PPP6R3: variants seen among roughly 807,000 people sequenced by gnomAD.
The protein encoded by PPP6R3 is protein phosphatase 6 regulatory subunit 3, also known as serine/threonine-protein phosphatase 6 regulatory subunit 3.
Under a neutral mutation model 110.7 loss-of-function variants are expected in PPP6R3, and 38 were observed. That is an observed-to-expected ratio of 0.34 (90% CI 0.26 to 0.45). The LOEUF (loss-of-function observed/expected upper bound fraction) is 0.45, where lower values mean the gene tolerates loss of function less well. PPP6R3 is among the 20% of genes least tolerant of loss of function. The pLI, the probability that PPP6R3 is intolerant of heterozygous loss-of-function variation, is 1.00. For synonymous variants in PPP6R3, 369 were observed against 373.5 expected, an observed-to-expected ratio of 0.99 and a Z score of 0.14; for missense variants, 870 against 1,062.4, an observed-to-expected ratio of 0.82 and a Z score of 2.52.
chr11:68,584,660 G>A (rs2099572599), intron 15 of PPP6R3, among the ~76,000 whole-genome samples: 1 of 152,126 alleles, frequency 6.6e-6, no homozygotes, highest in Non-Finnish European at 1.5e-5. Context: ...TACCTGTTCT[G>A]GGGAGAGTTT....
chr11:68,541,509 T>TAG (rs1555130095), intron 3 of PPP6R3, among the ~76,000 whole-genome samples: 1 of 151,724 alleles, frequency 6.6e-6, no homozygotes, highest in Non-Finnish European at 1.5e-5. Context: ...GTTAAGAGGA[T>TAG]GGAGTGGCTT....
intron 9 of PPP6R3, among the ~76,000 whole-genome samples, chr11:68,566,254 C>CTGCTGCTGT (rs972541274): frequency 1.3e-5 from 2 of 152,114 alleles, no homozygotes; most frequent in African/African-American, 4.8e-5. Flanking sequence ...GCTGCTGCTG[C>CTGCTGCTGT]TGCTGCTGTT....
intron 1 of PPP6R3, among the ~76,000 whole-genome samples, chr11:68,482,837 A>G (rs1158876539): frequency 6.6e-6 from 1 of 151,874 alleles, no homozygotes; most frequent in Non-Finnish European, 1.5e-5. Flanking sequence ...TATGCTGGGT[A>G]TGTGTGTTTT....
intron 2 of PPP6R3, among the ~76,000 whole-genome samples, chr11:68,527,792 C>G (rs2099208116): frequency 2.6e-5 from 4 of 152,224 alleles, no homozygotes; most frequent in Non-Finnish European, 5.9e-5. Context: ...CAACCTAATC[C>G]TACCACCTAC....
chr11:68,612,660 A>G (rs1944159363), intron 23 of PPP6R3, among the ~76,000 whole-genome samples: 1 of 151,370 alleles, frequency 6.6e-6, no homozygotes, highest in Non-Finnish European at 1.5e-5. Flanking sequence ...CCTGTTTCCA[A>G]GTGAAATAGT....
chr11:68,537,724 A>G lies in PPP6R3; in HGVS notation c.60A>G (p.Glu20=). 6.2e-7 allele frequency: 1 copy of G among 1,613,486 alleles called. No individual in the cohort carries two copies. Among genetic ancestry groups the G allele is most frequent in the Non-Finnish European group, 8.5e-7 (1 of 1,179,394 alleles). Residue 20 remains glutamate (E), a synonymous_variant, in exon 3 of 24, where the codon GAA becomes GAG. Coordinates refer to ENST00000393800, the MANE Select transcript of PPP6R3 (RefSeq NM_001164161.2). The part of the protein sequence containing the change: ...SSHIDTLLER[E]DVTLKELMDE... ...ACATAGACACACTTCTAGAAAGAGA[A>G]GATGTAACACTGAAGGAGTTAATGG...
chr11:68,504,531 TA>T (rs1041193138), intron 1 of PPP6R3, among the ~76,000 whole-genome samples: 1 of 152,092 alleles, frequency 6.6e-6, no homozygotes, highest in Non-Finnish European at 1.5e-5. Context: ...ACAATATCTT[TA>T]TGGATGAATG....
Position 68,560,253 on chromosome 11 carries a change from T to A in PPP6R3, c.845+1574T>A, listed in dbSNP as rs575631585. On this transcript the variant is annotated intron_variant, in intron 8 of 23. Transcript: ENST00000393800. The stretch of plus-strand genomic sequence containing the variant: ...TTGAGATGAGAAAAATAATACAGAA[T>A]ATCAGTGAAGCCAAAAGCTCGTTCT... Among the ~76,000 whole-genome samples, 42 of 152,228 alleles carry A rather than the reference T, an allele frequency of 2.8e-4. No homozygotes were observed. In the South Asian group the frequency reaches 8.3e-3, roughly 30 times the overall value.
At chr11:68,471,109 G>A (rs376003480) in intron 1 of PPP6R3, among the ~76,000 whole-genome samples, 30 of 151,570 alleles carry the variant, frequency 2.0e-4, no homozygotes, top group East Asian at 1.9e-3. Context: ...GTGAAACCCC[G>A]TCTCTACTAA....
At position 68,542,389 on chromosome 11, in the gene PPP6R3, G is replaced by GTTTTTTTTTTTTTTTTTTTTTTTTT. The variant is rs34666175; in HGVS notation, c.228-2427_228-2426insTTTTTTTTTTTTTTTTTTTTTTTTT. 9.9e-5 allele frequency among the ~76,000 whole-genome samples: 4 copies of GTTTTTTTTTTTTTTTTTTTTTTTTT among 40,206 alleles called. 1 individual carries two copies. The highest frequency in any genetic ancestry group is 2.1e-4 in the African/African-American group (2 of 9,640). The allele number at this position is 40,206 out of a possible 152,430, so 26.4% of individuals were successfully genotyped here. On this transcript the variant is annotated intron_variant, in intron 3 of 23. Transcript: ENST00000393800. The stretch of plus-strand genomic sequence containing the variant: ...ATCTTTGGGTGCTTGAGAAGCTGCT[G>GTTTTTTTTTTTTTTTTTTTTTTTTT]TTTTTTTTTTTTTTTTTTTTTTAAG...
intron 1 of PPP6R3, among the ~76,000 whole-genome samples, chr11:68,507,980 A>G (rs2099087390): frequency 6.6e-6 from 1 of 151,868 alleles, no homozygotes; most frequent in South Asian, 2.1e-4. Flanking sequence ...CTGAGGTGGG[A>G]GGATTGCTTG....
chr11:68,608,067 A>T (rs1941309135), intron 22 of PPP6R3, among the ~76,000 whole-genome samples: 1 of 151,834 alleles, frequency 6.6e-6, no homozygotes, highest in Non-Finnish European at 1.5e-5. Context: ...AAAAACAGAA[A>T]CTATAATGCA....
chr11:68,612,926 A>G lies in PPP6R3; in HGVS notation c.2571-140A>G, dbSNP rs1170038644. 8.2e-6 allele frequency: 12 copies of G among 1,454,848 alleles called. 1 individual carries two copies. The Admixed American group carries it at 1.8e-4, about 22-fold the overall frequency. The allele number at this position is 1,454,848 out of a possible 1,614,324, so 90.1% of individuals were successfully genotyped here. A position where few individuals can be genotyped will look rare whatever the true frequency, so the allele number is the denominator to read the frequency against. ...TAGAGCTTTTGCTCCATTCATTTAC[A>G]TATCATTTTATTAAAAACTTACTAA... On this transcript the variant is annotated intron_variant, in intron 23 of 23. Transcript: ENST00000393800.
chr11:68,603,297 C>A (rs1210109585), intron 21 of PPP6R3, 45 bp from the exon 22 acceptor site: 1 of 1,606,932 alleles, frequency 6.2e-7, no homozygotes, highest in Non-Finnish European at 8.5e-7. Context: ...GTGCCAGTTC[C>A]TTTTCGGGCT....
chr11:68,585,426 T>C (rs565152990), intron 15 of PPP6R3, among the ~76,000 whole-genome samples: 1 of 152,202 alleles, frequency 6.6e-6, no homozygotes, highest in Non-Finnish European at 1.5e-5. Context: ...TTGCTTAAAG[T>C]GGTTGGCTCA....
chr11:68,505,221 A>G (rs532456054), intron 1 of PPP6R3: 1 of 152,232 alleles, frequency 6.6e-6, no homozygotes, highest in Non-Finnish European at 1.5e-5. Flanking sequence ...TGGAGGGGTC[A>G]TATAATACCC....
intron 1 of PPP6R3, among the ~76,000 whole-genome samples, chr11:68,461,144 C>G (rs1251836946): frequency 6.6e-6 from 1 of 150,702 alleles, no homozygotes; most frequent in Admixed American, 6.6e-5. Flanking sequence ...CGAGGCGCGC[C>G]CCTGACCCGG....
In PPP6R3 at chr11:68,591,633, G is replaced by A. The variant is rs1433683757; in HGVS notation, c.1843G>A (p.Gly615Ser). 1.2e-6 allele frequency: 2 copies of A among 1,612,930 alleles called. No individual in the cohort carries two copies. Among genetic ancestry groups the A allele is most frequent in the Non-Finnish European group, 1.7e-6 (2 of 1,179,490 alleles). The change falls in exon 18 of 24, where the codon GGT (glycine) becomes AGT (serine). Residue 615 changes from glycine to serine, a missense_variant. By Grantham distance (56) the Gly-to-Ser change is moderately conservative (BLOSUM62 0). Transcript: ENST00000393800. ...CKERIQQFDD[G>S]GSDEEDIWEE... is the part of the protein sequence containing the mutation. ...GGAAAGAATACAACAGTTTGATGAT[G>A]GTGGCTCTGATGAGGAAGATATATG...
intron 1 of PPP6R3, among the ~76,000 whole-genome samples, chr11:68,473,355 T>C (rs2153275134): frequency 6.6e-6 from 1 of 152,374 alleles, no homozygotes; most frequent in African/African-American, 2.4e-5. Context: ...TGGAGGTTCC[T>C]GGAGGGTGGT....
Sources: gnomAD v4.1 joint callset for allele counts (sites outside exome capture counted in the v4.1 genomes callset) on GRCh38, gnomAD v4.1.1 for gene constraint, MANE v1.5 for transcripts, NCBI Gene and HGNC (gene_info 2026-07-23, HGNC 2026-07-21) for gene names.